The following ABCA4 variants were observed in gnomAD, a reference collection of about 807,000 sequenced individuals.
ABCA4 encodes retinal-specific phospholipid-transporting ATPase ABCA4.
In ABCA4, 196 loss-of-function variants were observed where a neutral mutation model predicts 263.7. That is an observed-to-expected ratio of 0.74 (90% CI 0.66 to 0.84). The LOEUF is 0.84. Among genes scored for constraint, ABCA4 ranks in the 40% least tolerant of loss-of-function variants. The pLI is 0.00. For synonymous variants in ABCA4, 1,133 were observed against 1,094.2 expected, an observed-to-expected ratio of 1.04 and a Z score of -0.70; for missense variants, 2,792 against 2,855.1, an observed-to-expected ratio of 0.98 and a Z score of 0.50.
At chr1:94,059,022 C>T (rs1370898869) in intron 14 of ABCA4, among the ~76,000 whole-genome samples, 2 of 152,156 alleles carry the variant, frequency 1.3e-5, no homozygotes, top group Non-Finnish European at 2.9e-5. Context: ...CAAAGAGAAA[C>T]CCTTTTGTGC....
intron 31 of ABCA4, among the ~76,000 whole-genome samples, chr1:94,023,954 C>A (rs1659970131): frequency 6.6e-6 from 1 of 152,206 alleles, no homozygotes; most frequent in Non-Finnish European, 1.5e-5. Flanking sequence ...TCATTGTCAT[C>A]CACCTTTAAG....
chr1:94,056,990 A>G (rs1430880412), intron 14 of ABCA4, among the ~76,000 whole-genome samples, 168 bp from the exon 15 acceptor site: 1 of 152,180 alleles, frequency 6.6e-6, no homozygotes, highest in Non-Finnish European at 1.5e-5. Flanking sequence ...CCCTGGGAGG[A>G]GTAGCACATT....
Position 94,112,998 on chromosome 1 carries a change from G to A in ABCA4, c.135C>T (p.Ala45=), listed in dbSNP as rs768633039. The A allele has an allele frequency of 3.7e-6, 6 of 1,613,934 alleles. No individual in the cohort carries two copies. The Admixed American group carries it at 5.0e-5, about 13-fold the overall frequency. The change falls in exon 2 of 50, where the codon GCC becomes GCT. Residue 45 remains alanine (A), a synonymous_variant. Transcript: ENST00000370225. ...ATTCATGATGGCTGTAGAGTGGGTT[G>A]GCATTCCTTAACCAGATCAAGACCA... ...LFLVLIWLRN[A]NPLYSHHECH... is the part of the protein sequence containing the mutation.
intron 14 of ABCA4, among the ~76,000 whole-genome samples, chr1:94,059,817 C>T (rs188784129): frequency 1.1e-4 from 17 of 152,258 alleles, no homozygotes; most frequent in African/African-American, 2.9e-4. Context: ...CTATCATCTA[C>T]GGTGGAGGAG....
chr1:94,001,108 G>T lies in ABCA4; in HGVS notation c.6283-3C>A, dbSNP rs1055222348. ...TCCATCCCTGTGGTGGGCTCATCCT[G>T]GGGGGTGGAGAGAAGGTTGGGGGCA... On this transcript the variant is annotated splice_region_variant and splice_polypyrimidine_tract_variant and intron_variant, in intron 45 of 49. Transcript: ENST00000370225. 4 of 1,610,764 alleles carry T rather than the reference G, an allele frequency of 2.5e-6. No individual in the cohort carries two copies. Among genetic ancestry groups the T allele is most frequent in the East Asian group, 2.2e-5 (1 of 44,844 alleles).
At chr1:94,117,011 T>TTTCTTTCTTTCTTTCTTTCTTTCTTTC (rs1553197154) in intron 1 of ABCA4, among the ~76,000 whole-genome samples, 2 of 137,664 alleles carry the variant, frequency 1.5e-5, no homozygotes, top group African/African-American at 5.3e-5. Flanking sequence ...TCTTTCTTTC[T>TTTCTTTCTTTCTTTCTTTCTTTCTTTC]TTCTTTCTTT....
intron 36 of ABCA4, among the ~76,000 whole-genome samples, chr1:94,017,742 A>G (rs1202219237): frequency 2.0e-5 from 3 of 152,164 alleles, no homozygotes; most frequent in Non-Finnish European, 2.9e-5. Context: ...AGAGACAGGA[A>G]GAGAGAAATA....
At position 94,063,096 on chromosome 1, in the gene ABCA4, C is replaced by G; in HGVS notation, c.1760+16G>C. On this transcript the variant is annotated intron_variant, in intron 12 of 49. Coordinates refer to ENST00000370225, the MANE Select transcript of ABCA4 (RefSeq NM_000350.3). Reference sequence around the variant, plus strand: ...TGACTTTGGAGAAATGCAGCGAGCCCTTCCTGAAACATCACCTGTCTTTAA... The same window carrying G: ...TGACTTTGGAGAAATGCAGCGAGCCGTTCCTGAAACATCACCTGTCTTTAA... 6.2e-7 allele frequency: 1 copy of G among 1,608,258 alleles called. No individual in the cohort carries two copies.
At chr1:94,058,027 T>C (rs554999137) in intron 14 of ABCA4, among the ~76,000 whole-genome samples, 5 of 152,362 alleles carry the variant, frequency 3.3e-5, no homozygotes, top group African/African-American at 1.2e-4. Flanking sequence ...GTGATGGGCA[T>C]GCGAGAGCTG....
At chr1:94,023,960 T>C (rs1400934073) in intron 31 of ABCA4, among the ~76,000 whole-genome samples, 1 of 152,208 alleles carries the variant, frequency 6.6e-6, no homozygotes, top group African/African-American at 2.4e-5. Flanking sequence ...TCATCCACCT[T>C]TAAGCACACA....
intron 20 of ABCA4, among the ~76,000 whole-genome samples, 155 bp from the exon 21 acceptor site, chr1:94,043,630 T>G (rs1225878221): frequency 6.6e-6 from 1 of 152,222 alleles, no homozygotes; most frequent in Non-Finnish European, 1.5e-5. Context: ...TAGCAGACCC[T>G]GCTTAAATAT....
chr1:94,072,323 T>A (rs1661420859), intron 11 of ABCA4, among the ~76,000 whole-genome samples: 2 of 152,268 alleles, frequency 1.3e-5, no homozygotes, highest in South Asian at 4.1e-4. Flanking sequence ...TACAATTTTA[T>A]GCCTTGATCA....
intron 13 of ABCA4, among the ~76,000 whole-genome samples, chr1:94,062,216 T>C (rs1329054786): frequency 1.3e-5 from 2 of 152,218 alleles, no homozygotes; most frequent in African/African-American, 4.8e-5. Context: ...TGAATGCTGA[T>C]GTGGCAATCA....
intron 3 of ABCA4, 87 bp downstream of exon 3, chr1:94,111,351 C>T: frequency 1.3e-6 from 2 of 1,536,516 alleles, no homozygotes; most frequent in Non-Finnish European, 1.8e-6. Flanking sequence ...ACTCAGTGCT[C>T]CATGCTCCGT....
chr1:94,013,221 C>T (rs949550904), intron 38 of ABCA4, among the ~76,000 whole-genome samples: 3 of 33,534 alleles, frequency 8.9e-5, no homozygotes, highest in Non-Finnish European at 2.7e-4. Flanking sequence ...GTGTTCTTAT[C>T]CCCCCGCCTT....
At chr1:94,066,265 A>G (rs1198540993) in intron 11 of ABCA4, among the ~76,000 whole-genome samples, 1 of 152,212 alleles carries the variant, frequency 6.6e-6, no homozygotes, top group Admixed American at 6.5e-5. Context: ...TGCTTGGGCC[A>G]GGGGGCTTCT....
chr1:94,032,954 T>G (rs1387527794), intron 26 of ABCA4, among the ~76,000 whole-genome samples: 1 of 152,164 alleles, frequency 6.6e-6, no homozygotes, highest in African/African-American at 2.4e-5. Flanking sequence ...CTTAAACAAA[T>G]GAAAAATCAG....
At chr1:94,013,498 A>G (rs1271258436) in intron 38 of ABCA4, among the ~76,000 whole-genome samples, 4 of 152,138 alleles carry the variant, frequency 2.6e-5, no homozygotes, top group African/African-American at 9.7e-5. Context: ...GGAAGAGCTA[A>G]TGAGGAGAGG....
At chr1:94,117,881 G>GTT (rs1307389533) in intron 1 of ABCA4, among the ~76,000 whole-genome samples, 2 of 152,190 alleles carry the variant, frequency 1.3e-5, no homozygotes, top group Non-Finnish European at 1.5e-5. Context: ...ACACGTCCCA[G>GTT]TTTTCCAGGT....
Sources: gnomAD v4.1 joint callset for allele counts (sites outside exome capture counted in the v4.1 genomes callset) on GRCh38, gnomAD v4.1.1 for gene constraint, MANE v1.5 for transcripts, NCBI Gene and HGNC (gene_info 2026-07-23, HGNC 2026-07-21) for gene names.